CSMD2: variants seen among roughly 807,000 people sequenced by gnomAD.
The protein encoded by CSMD2 is CUB and sushi domain-containing protein 2.
CSMD2 carries 130 observed loss-of-function variants against 398.5 expected under a neutral mutation model. That is an observed-to-expected ratio of 0.33 (90% CI 0.28 to 0.38). The LOEUF (loss-of-function observed/expected upper bound fraction) is 0.38. Ranked by LOEUF, CSMD2 falls within the 10% of genes least tolerant of loss-of-function variation. The pLI is 1.00. For synonymous variants in CSMD2, 1,828 were observed against 1,908.5 expected, an observed-to-expected ratio of 0.96 and a Z score of 1.10; for missense variants, 3,829 against 4,764.9, an observed-to-expected ratio of 0.80 and a Z score of 5.78.
chr1:33,633,826 G>A lies in CSMD2; in HGVS notation c.5087-291C>T, dbSNP rs958991361. On this transcript the variant is annotated intron_variant, in intron 31 of 70. Coordinates refer to ENST00000373381, the MANE Select transcript of CSMD2 (RefSeq NM_001281956.2). The surrounding 1 kb of genome is among the most constrained non-coding windows in gnomAD (Gnocchi z 5.0). ...GTAGAGGCGAAATGGAGCCAACTTT[G>A]TTCCTTTCCCAGATAGCAGCTGCAG... Among the ~76,000 whole-genome samples, 9 of 152,194 alleles carry A rather than the reference G, an allele frequency of 5.9e-5. No individual in the cohort carries two copies. The highest frequency in any genetic ancestry group is 1.3e-4 in the Admixed American group (2 of 15,288).
At chr1:33,960,086 C>A (rs1174046239) in intron 3 of CSMD2, among the ~76,000 whole-genome samples, 1 of 152,162 alleles carries the variant, frequency 6.6e-6, no homozygotes, top group East Asian at 1.9e-4. Context: ...CAGTGAGGAC[C>A]CTACCCTGCT....
Position 34,075,211 on chromosome 1 carries a change from T to C in CSMD2, c.404+13766A>G, listed in dbSNP as rs1360946295. Among the ~76,000 whole-genome samples, 3 of 152,232 alleles carry C rather than the reference T, an allele frequency of 2.0e-5. No individual in the cohort carries two copies. In the East Asian group the frequency reaches 5.8e-4, roughly 29 times the overall value. ...TTGTTCTCCTTTCCAGTGTCCCCTC[T>C]CTGTTTCAATCCTGAACAAAGACTT... On this transcript the variant is annotated intron_variant, in intron 2 of 70. Coordinates refer to ENST00000373381, the MANE Select transcript of CSMD2 (RefSeq NM_001281956.2).
chr1:33,776,109 G>A (rs1651928481), intron 12 of CSMD2, among the ~76,000 whole-genome samples: 1 of 152,236 alleles, frequency 6.6e-6, no homozygotes, highest in Non-Finnish European at 1.5e-5. Flanking sequence ...ATATGGCCTG[G>A]GTGGGAGTGG....
At chr1:33,799,072 T>C (rs1200260342) in intron 10 of CSMD2, among the ~76,000 whole-genome samples, 1 of 152,236 alleles carries the variant, frequency 6.6e-6, no homozygotes, top group East Asian at 1.9e-4. Flanking sequence ...CAAATGCTCT[T>C]AGCACCTCCC....
At chr1:34,152,756 A>T (rs1464857559) in intron 1 of CSMD2, among the ~76,000 whole-genome samples, 9 of 152,208 alleles carry the variant, frequency 5.9e-5, no homozygotes, top group Non-Finnish European at 1.3e-4. Flanking sequence ...TGAACCACTT[A>T]GAAGTATATA....
intron 13 of CSMD2, among the ~76,000 whole-genome samples, chr1:33,762,865 A>G (rs1650005287): frequency 6.6e-6 from 1 of 152,208 alleles, no homozygotes; most frequent in Non-Finnish European, 1.5e-5. Flanking sequence ...TGTAATGGCC[A>G]GTACATAGTA....
chr1:33,840,988 C>T (rs1235288650), intron 6 of CSMD2, among the ~76,000 whole-genome samples: 1 of 152,194 alleles, frequency 6.6e-6, no homozygotes, highest in South Asian at 2.1e-4. Flanking sequence ...GAAGCTTCAG[C>T]TTGTTATTAT....
intron 2 of CSMD2, among the ~76,000 whole-genome samples, chr1:34,071,661 C>A (rs529266004): frequency 6.6e-6 from 1 of 152,296 alleles, no homozygotes; most frequent in South Asian, 2.1e-4. Context: ...AAAATATTGT[C>A]CCTAGCTAGG....
At chr1:33,962,742 C>T (rs483006) in intron 3 of CSMD2, among the ~76,000 whole-genome samples, 3 of 151,882 alleles carry the variant, frequency 2.0e-5, no homozygotes, top group Non-Finnish European at 4.4e-5. Context: ...AGATTGACTC[C>T]CTCATATCCT....
Position 33,994,659 on chromosome 1 carries a change from T to A in CSMD2, c.517+37935A>T, listed in dbSNP as rs187306964. On this transcript the variant is annotated intron_variant, in intron 3 of 70. Transcript: ENST00000373381. Reference sequence around the variant, plus strand: ...GAATTTAGTTAGTTCTTAGTTAAAATGCCCTTCACCCTAGAACCACTTCCC... The same window carrying A: ...GAATTTAGTTAGTTCTTAGTTAAAAAGCCCTTCACCCTAGAACCACTTCCC... Among the ~76,000 whole-genome samples the A allele has an allele frequency of 1.1e-3, 173 of 152,326 alleles. 2 individuals are homozygous for A. Among genetic ancestry groups the A allele is most frequent in the African/African-American group, 3.8e-3 (156 of 41,560 alleles).
chr1:34,011,632 G>C lies in CSMD2; in HGVS notation c.517+20962C>G, dbSNP rs534099366. Among the ~76,000 whole-genome samples, 30 of 152,190 alleles carry C rather than the reference G, an allele frequency of 2.0e-4. 1 individual carries two copies. In the South Asian group the frequency reaches 4.6e-3, roughly 23 times the overall value. ...AGGTGTATATATTCATGGGGTACAT[G>C]AGATGTTTTGATACAGGCATGCAAT... is the stretch of plus-strand genomic sequence containing the variant. On this transcript the variant is annotated intron_variant, in intron 3 of 70. Transcript: ENST00000373381.
chr1:34,019,599 T>C (rs113676192), intron 3 of CSMD2, among the ~76,000 whole-genome samples: 3,122 of 152,328 alleles, frequency 0.02, 50 homozygotes, highest in Middle Eastern at 0.044. Flanking sequence ...AAACATTCTA[T>C]GCTCGACAGT....
At chr1:33,664,686 C>G (rs1353274693) in intron 25 of CSMD2, among the ~76,000 whole-genome samples, 1 of 151,806 alleles carries the variant, frequency 6.6e-6, no homozygotes, top group East Asian at 1.9e-4. Context: ...GCCTGTAGTC[C>G]CAGCTACTTG....
chr1:33,897,493 C>T (rs564975684), intron 5 of CSMD2, among the ~76,000 whole-genome samples: 1 of 152,344 alleles, frequency 6.6e-6, no homozygotes. Flanking sequence ...GGTAAACAAG[C>T]TGCTGCTGCT....
chr1:33,806,328 C>G (rs1228461488), intron 10 of CSMD2, among the ~76,000 whole-genome samples: 2 of 152,120 alleles, frequency 1.3e-5, no homozygotes, highest in African/African-American at 4.8e-5. Context: ...GGGTTTGCAG[C>G]CTTCATATTA....
intron 10 of CSMD2, among the ~76,000 whole-genome samples, chr1:33,795,043 C>T (rs994361695): frequency 6.6e-6 from 1 of 150,650 alleles, no homozygotes; most frequent in East Asian, 2.0e-4. Flanking sequence ...AGGGTATGGA[C>T]CTATAGCAAG....
chr1:33,705,934 T>TTA (rs1645762235), intron 22 of CSMD2, among the ~76,000 whole-genome samples: 1 of 145,190 alleles, frequency 6.9e-6, no homozygotes, highest in African/African-American at 2.5e-5. Flanking sequence ...CTTTATTATT[T>TTA]AAAAAAAAAA....
At chr1:33,878,901 A>G (rs148869779) in intron 5 of CSMD2, among the ~76,000 whole-genome samples, 1 of 152,312 alleles carries the variant, frequency 6.6e-6, no homozygotes, top group Middle Eastern at 3.4e-3. Context: ...AAGCAAAGAG[A>G]ATATCTATTT....
chr1:34,040,058 G>A (rs1651658970), intron 2 of CSMD2, among the ~76,000 whole-genome samples: 1 of 152,076 alleles, frequency 6.6e-6, no homozygotes, highest in South Asian at 2.1e-4. Context: ...CAGCTACTCA[G>A]GGGGCTTAAG....
Sources: allele counts gnomAD v4.1 joint callset (sites outside exome capture counted in the v4.1 genomes callset), GRCh38; gene constraint gnomAD v4.1.1; non-coding constraint Gnocchi (gnomAD v3.1); transcripts MANE v1.5; gene names NCBI Gene and HGNC (gene_info 2026-07-23, HGNC 2026-07-21).